Variants in MCCC1 observed in about 807,000 individuals in gnomAD.
MCCC1 encodes the protein methylcrotonyl-CoA carboxylase subunit 1.
In MCCC1, 64 loss-of-function variants were observed where a neutral mutation model predicts 83.8. The observed-to-expected ratio is 0.76, with a 90% CI of 0.62 to 0.94. The LOEUF is 0.94. MCCC1 is among the 40% of genes least tolerant of loss of function. MCCC1 has a pLI of 0.00. For synonymous variants in MCCC1, 322 were observed against 315.4 expected (o/e 1.02, Z -0.22); for missense variants, 807 against 904.7 (o/e 0.89, Z 1.39).
intron 10 of MCCC1, among the ~76,000 whole-genome samples, chr3:183,042,125 T>C (rs1426337985): frequency 6.6e-6 from 1 of 152,196 alleles, no homozygotes; most frequent in South Asian, 2.1e-4. Flanking sequence ...TCAATTTTTT[T>C]TAAAAAATAG....
chr3:183,045,679 C>T (rs1194320202), intron 9 of MCCC1, 139 bp from the exon 10 acceptor site: 9 of 900,510 alleles, frequency 1.0e-5, no homozygotes, highest in Non-Finnish European at 1.2e-5. Flanking sequence ...GAAAACATCT[C>T]GCATTTGCAG....
At chr3:183,096,783 C>G (rs1718769546) in intron 1 of MCCC1, among the ~76,000 whole-genome samples, 1 of 152,174 alleles carries the variant, frequency 6.6e-6, no homozygotes, top group Admixed American at 6.6e-5. Flanking sequence ...CCTTCTTGAT[C>G]CTGAAGGAGG....
chr3:183,073,464 T>C (rs905980573), intron 4 of MCCC1, among the ~76,000 whole-genome samples: 1 of 152,226 alleles, frequency 6.6e-6, no homozygotes, highest in African/African-American at 2.4e-5. Context: ...ATGAAAGTCA[T>C]GTATTAAAGT....
chr3:183,031,023 A>G (rs890401031), intron 14 of MCCC1, among the ~76,000 whole-genome samples: 11 of 152,214 alleles, frequency 7.2e-5, no homozygotes, highest in African/African-American at 2.2e-4. Flanking sequence ...CTTGTCACAT[A>G]TAAGAGGACC....
At chr3:183,063,881 A>T (rs975572372) in intron 7 of MCCC1, among the ~76,000 whole-genome samples, 7 of 152,288 alleles carry the variant, frequency 4.6e-5, no homozygotes, top group Middle Eastern at 3.4e-3. Context: ...AACTTTGGGT[A>T]AGCGGGGTGC....
At chr3:183,055,258 A>G (rs1308537575) in intron 8 of MCCC1, among the ~76,000 whole-genome samples, 13 of 152,046 alleles carry the variant, frequency 8.6e-5, no homozygotes, top group South Asian at 8.3e-4. Context: ...GAAAAAAAAA[A>G]AAAATTAGCC....
chr3:183,058,528 A>G (rs4859270), intron 7 of MCCC1, among the ~76,000 whole-genome samples: 136,193 of 152,130 alleles, frequency 0.9, 61,356 homozygotes, highest in East Asian at 1. Flanking sequence ...AGGCTCAGGC[A>G]GGAGGATTCC....
rs1713848039 is a variant in MCCC1, at chr3:183,039,023, C to T, written c.1377+3G>A. ...GTCACTGGCACGGTCTCAGATCACT[C>T]ACATTGTACTGACGAAGGCTGTACC... On this transcript the variant is annotated splice_donor_region_variant and intron_variant, in intron 12 of 18. Coordinates refer to ENST00000265594, the MANE Select transcript of MCCC1 (RefSeq NM_020166.5). 1 of 1,613,304 alleles carries T rather than the reference C, an allele frequency of 6.2e-7. No homozygotes were observed.
At chr3:183,077,385 A>C (rs1717156675) in intron 4 of MCCC1, among the ~76,000 whole-genome samples, 1 of 152,214 alleles carries the variant, frequency 6.6e-6, no homozygotes. Flanking sequence ...AATTTCTCTA[A>C]GTCCTCACCA....
At chr3:183,031,950 T>C (rs1228712408) in intron 14 of MCCC1, among the ~76,000 whole-genome samples, 1 of 152,114 alleles carries the variant, frequency 6.6e-6, no homozygotes, top group Non-Finnish European at 1.5e-5. Context: ...ATTACAGGTG[T>C]GAGCCACTGT....
chr3:183,107,982 G>T (rs1719433968), intron 1 of MCCC1, among the ~76,000 whole-genome samples: 1 of 152,198 alleles, frequency 6.6e-6, no homozygotes, highest in Non-Finnish European at 1.5e-5. Context: ...TTCTCAAAAA[G>T]ATTATTGAGC....
At chr3:183,037,668 T>TA (rs1338665915) in intron 12 of MCCC1, among the ~76,000 whole-genome samples, 3 of 152,216 alleles carry the variant, frequency 2.0e-5, no homozygotes, top group Non-Finnish European at 2.9e-5. Flanking sequence ...GACTTGACAC[T>TA]AAAAATTACA....
intron 3 of MCCC1, among the ~76,000 whole-genome samples, chr3:183,087,930 G>A (rs998813657): frequency 2.6e-5 from 4 of 151,610 alleles, no homozygotes; most frequent in African/African-American, 9.7e-5. Context: ...TCAAGAATGT[G>A]GAGCTGAGAA....
intron 7 of MCCC1, among the ~76,000 whole-genome samples, chr3:183,059,465 C>T (rs1715666437): frequency 6.6e-6 from 1 of 152,172 alleles, no homozygotes; most frequent in Admixed American, 6.5e-5. Context: ...TCTTTATCCA[C>T]AAGCTATATA....
intron 4 of MCCC1, among the ~76,000 whole-genome samples, chr3:183,077,843 G>A (rs1375578335): frequency 6.6e-6 from 1 of 152,116 alleles, no homozygotes; most frequent in Non-Finnish European, 1.5e-5. Context: ...ACAAAGAGAT[G>A]TCAAATTACT....
intron 1 of MCCC1, among the ~76,000 whole-genome samples, chr3:183,108,887 C>T (rs1719447068): frequency 6.6e-6 from 1 of 152,182 alleles, no homozygotes; most frequent in Non-Finnish European, 1.5e-5. Context: ...TGACCCATTA[C>T]AGCATCATAT....
intron 8 of MCCC1, among the ~76,000 whole-genome samples, chr3:183,052,809 CAAAAAAAAA>C (rs71185624): frequency 3.0e-5 from 2 of 66,626 alleles, no homozygotes; most frequent in Non-Finnish European, 5.1e-5. Context: ...GACTTTGTCT[CAAAAAAAAA>C]AAAAAAAAAA....
At chr3:183,030,840 C>T (rs966911281) in intron 14 of MCCC1, among the ~76,000 whole-genome samples, 11 of 152,186 alleles carry the variant, frequency 7.2e-5, no homozygotes, top group Admixed American at 4.6e-4. Flanking sequence ...ATGAATAAAA[C>T]TCTCCACCCT....
At position 183,042,118 on chromosome 3, in the gene MCCC1, A is replaced by AT. The variant is rs201961767; in HGVS notation, c.1084-369dup. On this transcript the variant is annotated intron_variant, in intron 10 of 18. Transcript: ENST00000265594. The stretch of plus-strand genomic sequence containing the variant: ...ACATTAGCACTTAATTCCCAAATCA[A>AT]TTTTTTTTAAAAAATAGTATATTAT... Among the ~76,000 whole-genome samples, 528 of 152,184 alleles carry AT rather than the reference A, an allele frequency of 3.5e-3. 2 individuals carry two copies. Among genetic ancestry groups the AT allele is most frequent in the East Asian group, 0.032 (163 of 5,172 alleles).
Sources: gnomAD v4.1 joint callset for allele counts (sites outside exome capture counted in the v4.1 genomes callset) on GRCh38, gnomAD v4.1.1 for gene constraint, MANE v1.5 for transcripts, NCBI Gene and HGNC (gene_info 2026-07-23, HGNC 2026-07-21) for gene names.